The following MBD5 variants were observed in gnomAD, a reference collection of about 807,000 sequenced individuals.
MBD5 encodes methyl-CpG-binding domain protein 5.
In MBD5, 13 loss-of-function variants were observed where a neutral mutation model predicts 117.3. That is an observed-to-expected ratio of 0.11 (90% CI 0.07 to 0.18). MBD5 has a LOEUF of 0.18. Among genes scored for constraint, MBD5 ranks in the 10% least tolerant of loss-of-function variants. The pLI, the probability that MBD5 is intolerant of heterozygous loss-of-function variation, is 1.00. For synonymous variants in MBD5, 727 were observed against 766.4 expected, an observed-to-expected ratio of 0.95 and a Z score of 0.85; for missense variants, 1,879 against 2,093.8, an observed-to-expected ratio of 0.90 and a Z score of 2.00.
chr2:148,216,141 T>C (rs1405353742), intron 2 of MBD5, among the ~76,000 whole-genome samples: 1 of 152,178 alleles, frequency 6.6e-6, no homozygotes, highest in African/African-American at 2.4e-5. Flanking sequence ...GGAACAAAGA[T>C]AGCTCTGGAC....
chr2:148,027,024 T>C (rs572690278), intron 1 of MBD5: 1 of 152,196 alleles, frequency 6.6e-6, no homozygotes, highest in Non-Finnish European at 1.5e-5. Context: ...TATTTTCTTA[T>C]ATGAAGTTCA....
At chr2:148,207,201 G>A (rs538127957) in intron 2 of MBD5, among the ~76,000 whole-genome samples, 1 of 152,162 alleles carries the variant, frequency 6.6e-6, no homozygotes, top group South Asian at 2.1e-4. Flanking sequence ...TGGTAAATGG[G>A]CTAGCATTAT....
intron 2 of MBD5, among the ~76,000 whole-genome samples, chr2:148,231,626 G>GC (rs1324570483): frequency 6.6e-6 from 1 of 152,010 alleles, no homozygotes; most frequent in Non-Finnish European, 1.5e-5. Context: ...CTGCCATCTT[G>GC]CCCTGCTTCA....
chr2:148,493,597 A>C (rs1681596801), intron 11 of MBD5, among the ~76,000 whole-genome samples: 1 of 152,228 alleles, frequency 6.6e-6, no homozygotes, highest in Non-Finnish European at 1.5e-5. Flanking sequence ...TGATCAGAGC[A>C]CTGATAATTG....
At chr2:148,060,253 G>C (rs1026612574) in intron 1 of MBD5, among the ~76,000 whole-genome samples, 1 of 149,386 alleles carries the variant, frequency 6.7e-6, no homozygotes, top group African/African-American at 2.5e-5. Context: ...AGGCTGCGAT[G>C]AGCTTTGAAC....
At chr2:148,260,115 T>C (rs1037793073) in intron 3 of MBD5, among the ~76,000 whole-genome samples, 1 of 152,222 alleles carries the variant, frequency 6.6e-6, no homozygotes, top group Non-Finnish European at 1.5e-5. Context: ...CTTCCCTTCA[T>C]GTAAGATTTC....
chr2:148,472,304 A>G (rs1680823486), intron 8 of MBD5: 1 of 152,134 alleles, frequency 6.6e-6, no homozygotes, highest in Non-Finnish European at 1.5e-5. Flanking sequence ...GTGTGAGCAT[A>G]TAAATAGCTA....
intron 3 of MBD5, among the ~76,000 whole-genome samples, chr2:148,271,515 A>G (rs963283349): frequency 3.9e-5 from 6 of 152,038 alleles, no homozygotes; most frequent in Non-Finnish European, 7.4e-5. Flanking sequence ...GCACTGTGTT[A>G]TTTCTAGTAT....
intron 3 of MBD5, among the ~76,000 whole-genome samples, chr2:148,237,595 A>G (rs151126756): frequency 6.6e-6 from 1 of 152,310 alleles, no homozygotes; most frequent in Non-Finnish European, 1.5e-5. Context: ...CAGGAGAAAC[A>G]TCAAAGATCA....
At chr2:148,360,430 G>A (rs1346456337) in intron 4 of MBD5, among the ~76,000 whole-genome samples, 1 of 152,100 alleles carries the variant, frequency 6.6e-6, no homozygotes, top group Non-Finnish European at 1.5e-5. Context: ...ATTTTATTAA[G>A]TAAATAATAC....
rs1019227142 is a variant in MBD5, at chr2:148,465,194, A to G, written c.397+1275A>G. 3.9e-5 allele frequency among the ~76,000 whole-genome samples: 6 copies of G among 152,194 alleles called. No individual in the cohort carries two copies. In the East Asian group the frequency reaches 1.2e-3, roughly 29 times the overall value. ...AAACACATTTTGCTAGGAATACTGCATAGATGATGTTAGCTCCTCATCATT... is the reference window on the plus strand; with the variant it reads ...AAACACATTTTGCTAGGAATACTGCGTAGATGATGTTAGCTCCTCATCATT... On this transcript the variant is annotated intron_variant, in intron 7 of 13. Coordinates refer to ENST00000642680, the MANE Select transcript of MBD5 (RefSeq NM_001378120.1).
intron 4 of MBD5, among the ~76,000 whole-genome samples, chr2:148,452,771 C>T (rs1040949319): frequency 6.6e-6 from 1 of 152,064 alleles, no homozygotes; most frequent in Non-Finnish European, 1.5e-5. Flanking sequence ...GTTAGCATAT[C>T]AGTTTTCTTG....
intron 1 of MBD5, chr2:148,041,210 G>A (rs952155248): frequency 6.6e-6 from 1 of 152,306 alleles, no homozygotes; most frequent in African/African-American, 2.4e-5. Context: ...TTGAAGGATC[G>A]TTAAACACCA....
chr2:148,151,401 C>A (rs2105650161), intron 1 of MBD5, among the ~76,000 whole-genome samples: 1 of 152,182 alleles, frequency 6.6e-6, no homozygotes, highest in South Asian at 2.1e-4. Context: ...GTCTAAAATT[C>A]TCTTTTTTGG....
chr2:148,340,871 C>T (rs879668702), intron 3 of MBD5, among the ~76,000 whole-genome samples: 29 of 150,102 alleles, frequency 1.9e-4, no homozygotes, highest in Non-Finnish European at 7.4e-5. Context: ...CACACACACA[C>T]ACACATAGCA....
At chr2:148,202,400 G>A (rs941218112) in intron 2 of MBD5, among the ~76,000 whole-genome samples, 2 of 152,060 alleles carry the variant, frequency 1.3e-5, no homozygotes, top group Admixed American at 1.3e-4. Flanking sequence ...AGTGACCTAG[G>A]CAGCAGAATG....
intron 13 of MBD5, among the ~76,000 whole-genome samples, chr2:148,511,450 A>C (rs374284381): frequency 2.6e-5 from 4 of 152,348 alleles, no homozygotes; most frequent in African/African-American, 9.6e-5. Flanking sequence ...GCAACCTGGG[A>C]GTCATGTGCT....
intron 1 of MBD5, among the ~76,000 whole-genome samples, chr2:148,074,496 TTTTTTTTTTTG>T (rs1298670066): frequency 2.5e-4 from 28 of 113,448 alleles, no homozygotes; most frequent in Middle Eastern, 5.8e-3. Context: ...TTTTTTTTTG[TTTTTTTTTTTG>T]TTTTTTTTTT....
At chr2:148,247,707 C>T (rs1700371880) in intron 3 of MBD5, among the ~76,000 whole-genome samples, 1 of 151,972 alleles carries the variant, frequency 6.6e-6, no homozygotes, top group South Asian at 2.1e-4. Flanking sequence ...GGGGCTACAA[C>T]TGTTCACTTT....
Sources: gnomAD v4.1 joint callset for allele counts (sites outside exome capture counted in the v4.1 genomes callset) on GRCh38, gnomAD v4.1.1 for gene constraint, MANE v1.5 for transcripts, NCBI Gene and HGNC (gene_info 2026-07-23, HGNC 2026-07-21) for gene names.